The following BCKDHB variants were observed in gnomAD, a reference collection of about 807,000 sequenced individuals.
The protein encoded by BCKDHB is 2-oxoisovalerate dehydrogenase subunit beta, mitochondrial.
Under a neutral mutation model 48.5 loss-of-function variants are expected in BCKDHB, and 41 were observed. The ratio of observed to expected loss-of-function variants is 0.85; its 90% confidence interval spans 0.66 to 1.10. The LOEUF (loss-of-function observed/expected upper bound fraction) is 1.10, where lower values mean the gene tolerates loss of function less well. BCKDHB is among the 50% of genes least tolerant of loss of function. The pLI is 0.00. For synonymous variants in BCKDHB, 201 were observed against 174.8 expected (o/e 1.15, Z -1.18); for missense variants, 496 against 494.2 (o/e 1.00, Z -0.03).
At chr6:80,114,134 T>C (rs149468143) in intron 1 of BCKDHB, among the ~76,000 whole-genome samples, 101 of 152,178 alleles carry the variant, frequency 6.6e-4, no homozygotes, top group African/African-American at 2.3e-3. Flanking sequence ...TTCCTTTTGA[T>C]TTAGTTCTAG....
chr6:80,335,231 GAAA>G (rs796841647), intron 9 of BCKDHB, among the ~76,000 whole-genome samples: 1 of 40,466 alleles, frequency 2.5e-5, no homozygotes, highest in Non-Finnish European at 6.2e-5. Context: ...AATTTTGTGG[GAAA>G]AAAAAAAAAA....
intron 3 of BCKDHB, among the ~76,000 whole-genome samples, chr6:80,137,883 A>G (rs1770969765): frequency 6.6e-6 from 1 of 151,978 alleles, no homozygotes; most frequent in Non-Finnish European, 1.5e-5. Context: ...CAAGAGTTTG[A>G]GACCAGCCTG....
At chr6:80,422,196 A>G in the BCKDHB span, among the ~76,000 whole-genome samples, 1 of 152,228 alleles carries the variant, frequency 6.6e-6, no homozygotes, top group Non-Finnish European at 1.5e-5. Flanking sequence ...GGACCAAAGT[A>G]TCACAGGAGC....
At chr6:80,279,678 A>G (rs1778119056) in intron 9 of BCKDHB, among the ~76,000 whole-genome samples, 1 of 151,852 alleles carries the variant, frequency 6.6e-6, no homozygotes. Context: ...TGACTCCAGT[A>G]TGCAGATCAC....
chr6:80,118,343 A>G (rs994823746), intron 1 of BCKDHB, among the ~76,000 whole-genome samples: 2 of 152,194 alleles, frequency 1.3e-5, no homozygotes, highest in Non-Finnish European at 2.9e-5. Flanking sequence ...ATTATATCTA[A>G]AAGATCAATG....
chr6:80,145,828 C>T (rs943545047), intron 3 of BCKDHB, among the ~76,000 whole-genome samples: 4 of 152,110 alleles, frequency 2.6e-5, no homozygotes, highest in African/African-American at 9.7e-5. Flanking sequence ...ATAATAAACA[C>T]CACCAGGCTT....
At chr6:80,324,283 C>CT (rs1024053151) in intron 9 of BCKDHB, among the ~76,000 whole-genome samples, 10 of 152,060 alleles carry the variant, frequency 6.6e-5, no homozygotes, top group Non-Finnish European at 5.9e-5. Flanking sequence ...TTAAATAAGA[C>CT]TTTCTGTAGG....
chr6:80,337,057 G>A (rs1000231902), intron 9 of BCKDHB, among the ~76,000 whole-genome samples: 1 of 152,080 alleles, frequency 6.6e-6, no homozygotes, highest in Admixed American at 6.5e-5. Flanking sequence ...ATTCAGTAAT[G>A]AAATTAATTT....
At chr6:80,212,585 A>G (rs996767623) in intron 8 of BCKDHB, among the ~76,000 whole-genome samples, 1 of 152,238 alleles carries the variant, frequency 6.6e-6, no homozygotes, top group African/African-American at 2.4e-5. Context: ...TACAGTTAAC[A>G]TAATTATCAG....
At chr6:80,390,354 G>C in the BCKDHB span, among the ~76,000 whole-genome samples, 3 of 152,142 alleles carry the variant, frequency 2.0e-5, no homozygotes, top group East Asian at 3.9e-4. Flanking sequence ...TGAGGTGCTT[G>C]CTGAAGGCAA....
the BCKDHB span, among the ~76,000 whole-genome samples, chr6:80,391,704 G>A: frequency 2.6e-5 from 4 of 152,082 alleles, no homozygotes; most frequent in East Asian, 5.8e-4. Context: ...TAGTACAGGT[G>A]GTGCTTAATG....
intron 3 of BCKDHB, among the ~76,000 whole-genome samples, chr6:80,165,842 G>T (rs185083619): frequency 7.9e-5 from 12 of 152,254 alleles, no homozygotes; most frequent in Admixed American, 7.2e-4. Context: ...TGGGCTTTTG[G>T]AGTGTCCTGT....
intron 3 of BCKDHB, among the ~76,000 whole-genome samples, chr6:80,152,027 G>A (rs1487575311): frequency 1.3e-5 from 2 of 152,036 alleles, no homozygotes; most frequent in Admixed American, 1.3e-4. Context: ...AAATTTCAAT[G>A]GCTTGCCCTT....
intron 8 of BCKDHB, among the ~76,000 whole-genome samples, chr6:80,254,606 T>TGGAAAATTACTTGAGCCC (rs1206019061): frequency 6.6e-6 from 1 of 152,116 alleles, no homozygotes; most frequent in Non-Finnish European, 1.5e-5. Flanking sequence ...AGGTTGAGGC[T>TGGAAAATTACTTGAGCCC]GGAAAATTAC....
At chr6:80,318,953 G>A (rs1252166031) in intron 9 of BCKDHB, among the ~76,000 whole-genome samples, 1 of 152,122 alleles carries the variant, frequency 6.6e-6, no homozygotes, top group Non-Finnish European at 1.5e-5. Flanking sequence ...AATCCTTTAT[G>A]GATACCAAGG....
the BCKDHB span, among the ~76,000 whole-genome samples, chr6:80,400,173 A>C: frequency 6.6e-6 from 1 of 152,262 alleles, no homozygotes; most frequent in Admixed American, 6.5e-5. Context: ...AGGAATGGGC[A>C]AAAATTTCAT....
intron 8 of BCKDHB, among the ~76,000 whole-genome samples, chr6:80,204,730 A>G (rs1774559090): frequency 6.6e-6 from 1 of 152,154 alleles, no homozygotes; most frequent in East Asian, 1.9e-4. Context: ...ATTGTAAAGC[A>G]CAAGTATACT....
chr6:80,359,547 A>G, the BCKDHB span, among the ~76,000 whole-genome samples: 1 of 152,096 alleles, frequency 6.6e-6, no homozygotes, highest in Admixed American at 6.5e-5. Flanking sequence ...CTCAGGAGGG[A>G]GAAGAGATAA....
chr6:80,423,462 C>T, the BCKDHB span, among the ~76,000 whole-genome samples: 1 of 152,142 alleles, frequency 6.6e-6, no homozygotes, highest in African/African-American at 2.4e-5. Context: ...CTTATTCCAC[C>T]ATCTTGCTAA....
Sources: allele counts gnomAD v4.1 joint callset (sites outside exome capture counted in the v4.1 genomes callset), GRCh38; gene constraint gnomAD v4.1.1; transcripts MANE v1.5; gene names NCBI Gene and HGNC (gene_info 2026-07-23, HGNC 2026-07-21).